SLC49A4: variants seen among roughly 807,000 people sequenced by gnomAD.
The protein encoded by SLC49A4 is solute carrier family 49 member 4.
A neutral mutation model predicts 50.6 loss-of-function variants in SLC49A4; 36 were observed. That is an observed-to-expected ratio of 0.71 (90% CI 0.55 to 0.94). The LOEUF (loss-of-function observed/expected upper bound fraction) is 0.94, where lower values mean the gene tolerates loss of function less well. Among genes scored for constraint, SLC49A4 ranks in the 40% least tolerant of loss-of-function variants. The probability of loss-of-function intolerance (pLI) is 0.00; values close to 1 mark genes in which losing one functional copy is unlikely to be tolerated. For synonymous variants in SLC49A4, 248 were observed against 241.2 expected (o/e 1.03, Z -0.26); for missense variants, 503 against 605.7 (o/e 0.83, Z 1.78).
chr3:122,875,134 C>G (rs992522392), intron 8 of SLC49A4, among the ~76,000 whole-genome samples: 23 of 152,144 alleles, frequency 1.5e-4, no homozygotes, highest in Non-Finnish European at 2.9e-4. Flanking sequence ...TGATTATACA[C>G]AAATTGCAAA....
At chr3:122,835,415 G>T (rs2107569079) in intron 4 of SLC49A4, among the ~76,000 whole-genome samples, 1 of 152,240 alleles carries the variant, frequency 6.6e-6, no homozygotes, top group East Asian at 1.9e-4. Context: ...ACATCAGAAA[G>T]ATAATACACC....
chr3:122,842,305 TGAAACCCC>T (rs1936781853), intron 4 of SLC49A4, among the ~76,000 whole-genome samples: 1 of 151,678 alleles, frequency 6.6e-6, no homozygotes, highest in African/African-American at 2.4e-5. Flanking sequence ...GCTAACACGG[TGAAACCCC>T]GTCTCTACTA....
At chr3:122,872,144 G>A (rs1937203733) in intron 7 of SLC49A4, among the ~76,000 whole-genome samples, 1 of 152,132 alleles carries the variant, frequency 6.6e-6, no homozygotes, top group African/African-American at 2.4e-5. Flanking sequence ...TTATATGATA[G>A]TGGTAAATTG....
intron 1 of SLC49A4, among the ~76,000 whole-genome samples, chr3:122,798,339 T>A (rs573410562): frequency 6.6e-6 from 1 of 152,300 alleles, no homozygotes; most frequent in South Asian, 2.1e-4. Context: ...ATTATAATTG[T>A]ACCTACTATC....
rs915856802 is a variant in SLC49A4, at chr3:122,795,076, A to T, written c.-117A>T. The T allele has an allele frequency of 6.9e-6, 8 of 1,167,356 alleles. No individual in the cohort carries two copies. The highest frequency in any genetic ancestry group is 4.4e-5 in the South Asian group (1 of 22,758). 72.3% of individuals were successfully genotyped at this position (1,167,356 alleles called of 1,614,324 possible). A position where few individuals can be genotyped will look rare whatever the true frequency, so the allele number is the denominator to read the frequency against. On this transcript the variant is annotated 5_prime_UTR_variant, in exon 1 of 9. Coordinates refer to ENST00000261038, the MANE Select transcript of SLC49A4 (RefSeq NM_032839.3). The stretch of plus-strand genomic sequence containing the variant: ...CGCAGGCGCACCAGGCGCGGTCCGG[A>T]GGCCGAGGGCGACCACAGCAGCCTC...
chr3:122,802,064 C>T (rs1050576810), intron 1 of SLC49A4, among the ~76,000 whole-genome samples: 1 of 152,118 alleles, frequency 6.6e-6, no homozygotes, highest in African/African-American at 2.4e-5. Flanking sequence ...GTAATCCCAG[C>T]TACTGGGGAG....
chr3:122,816,320 T>G (rs1428642846), intron 2 of SLC49A4, among the ~76,000 whole-genome samples: 7 of 152,140 alleles, frequency 4.6e-5, no homozygotes, highest in Admixed American at 1.3e-4. Context: ...CTTCCATCTC[T>G]GCTTGCAAAC....
intron 2 of SLC49A4, among the ~76,000 whole-genome samples, chr3:122,815,508 G>T (rs1936352246): frequency 6.6e-6 from 1 of 152,214 alleles, no homozygotes; most frequent in Non-Finnish European, 1.5e-5. Context: ...ACTCAAGGAT[G>T]CCATACCAAA....
At chr3:122,843,299 A>G (rs922339852) in intron 4 of SLC49A4, among the ~76,000 whole-genome samples, 3 of 152,120 alleles carry the variant, frequency 2.0e-5, no homozygotes, top group African/African-American at 7.2e-5. Context: ...GGTATCAACA[A>G]TTGTCAGTGA....
chr3:122,805,396 C>T (rs991362150), intron 1 of SLC49A4, among the ~76,000 whole-genome samples: 1 of 152,128 alleles, frequency 6.6e-6, no homozygotes, highest in Non-Finnish European at 1.5e-5. Context: ...ATTTTCTTTG[C>T]TATGTTTGAT....
intron 5 of SLC49A4, among the ~76,000 whole-genome samples, chr3:122,846,487 A>G (rs1009149575): frequency 6.6e-6 from 1 of 152,190 alleles, no homozygotes; most frequent in Non-Finnish European, 1.5e-5. Context: ...ACAGCCACAA[A>G]CAATGCTGTA....
At chr3:122,820,567 CATTAGAAG>C (rs2107562757) in intron 2 of SLC49A4, among the ~76,000 whole-genome samples, 1 of 152,214 alleles carries the variant, frequency 6.6e-6, no homozygotes, top group South Asian at 2.1e-4. Flanking sequence ...ATGTCAACTA[CATTAGAAG>C]ATGTGAACTG....
chr3:122,829,316 A>G (rs1576298681), intron 3 of SLC49A4, among the ~76,000 whole-genome samples: 1 of 152,266 alleles, frequency 6.6e-6, no homozygotes, highest in African/African-American at 2.4e-5. Context: ...TCATATCAGC[A>G]GATAAAAGGG....
chr3:122,799,657 C>T (rs955911607), intron 1 of SLC49A4, among the ~76,000 whole-genome samples: 8 of 152,168 alleles, frequency 5.3e-5, no homozygotes, highest in African/African-American at 1.9e-4. Context: ...CTCTTGTCTT[C>T]AGGACAAGAG....
At chr3:122,804,531 T>TGAGTTATGCCTTGTCAG (rs1936182218) in intron 1 of SLC49A4, among the ~76,000 whole-genome samples, 1 of 152,142 alleles carries the variant, frequency 6.6e-6, no homozygotes, top group East Asian at 1.9e-4. Flanking sequence ...AGGATGTGAG[T>TGAGTTATGCCTTGTCAG]GACATGAGGA....
intron 1 of SLC49A4, among the ~76,000 whole-genome samples, chr3:122,798,750 A>T (rs1185651235): frequency 7.4e-6 from 1 of 135,938 alleles, no homozygotes; most frequent in African/African-American, 2.8e-5. Context: ...GGCTCAGGTG[A>T]TTCTCAGCCT....
At chr3:122,836,779 G>C (rs962891506) in intron 4 of SLC49A4, among the ~76,000 whole-genome samples, 2 of 152,198 alleles carry the variant, frequency 1.3e-5, no homozygotes, top group African/African-American at 4.8e-5. Flanking sequence ...AATTGTGCCT[G>C]TTTGCAGATG....
chr3:122,860,170 T>C lies in SLC49A4; in HGVS notation c.1106T>C (p.Leu369Ser), dbSNP rs758792639. Residue 369 changes from leucine (L) to serine (S), a missense_variant, in exon 7 of 9, where the codon TTG (leucine) becomes TCG (serine). Physicochemically the swap from Leu to Ser is moderately radical, Grantham distance 145 (BLOSUM62 -2). Coordinates refer to ENST00000261038, the MANE Select transcript of SLC49A4 (RefSeq NM_032839.3). Reference sequence around the variant, plus strand: ...TCCACGTGGTTCACCCTGACCTGTTTGAACAGCATCACACACCTACCTTTA... The same window carrying C: ...TCCACGTGGTTCACCCTGACCTGTTCGAACAGCATCACACACCTACCTTTA... ...LSSTWFTLTC[L>S]NSITHLPLTT... The C allele has an allele frequency of 7.4e-6, 12 of 1,611,682 alleles. No individual in the cohort carries two copies. The South Asian group carries it at 1.3e-4, about 18-fold the overall frequency.
intron 5 of SLC49A4, among the ~76,000 whole-genome samples, chr3:122,852,449 T>A (rs956621515): frequency 4.6e-5 from 7 of 152,362 alleles, no homozygotes; most frequent in African/African-American, 9.6e-5. Flanking sequence ...TTGGTAATTT[T>A]AAAAAATCTC....
Sources: gnomAD v4.1 joint callset for allele counts (sites outside exome capture counted in the v4.1 genomes callset) on GRCh38, gnomAD v4.1.1 for gene constraint, MANE v1.5 for transcripts, NCBI Gene and HGNC (gene_info 2026-07-23, HGNC 2026-07-21) for gene names.